CACNA2D4: variants seen among roughly 807,000 people sequenced by gnomAD.
CACNA2D4 encodes calcium voltage-gated channel auxiliary subunit alpha2delta 4, also known as voltage-dependent calcium channel subunit alpha-2/delta-4.
A neutral mutation model predicts 163.8 loss-of-function variants in CACNA2D4; 157 were observed. The ratio of observed to expected loss-of-function variants is 0.96; its 90% CI spans 0.84 to 1.09. The LOEUF is 1.09. Among genes scored for constraint, CACNA2D4 ranks in the 50% least tolerant of loss-of-function variants. The pLI is 0.00. For missense variants in CACNA2D4, 1,410 were observed against 1,479.9 expected, an observed-to-expected ratio of 0.95 and a Z score of 0.78; for synonymous variants, 598 against 586.9, an observed-to-expected ratio of 1.02 and a Z score of -0.27.
rs140562886 is a variant in CACNA2D4 at position 1,843,649 on chromosome 12, C to T, written c.2470+753G>A. Among the ~76,000 whole-genome samples, 1,537 of 152,332 alleles carry T rather than the reference C, an allele frequency of 0.01. 21 individuals carry two copies. The highest frequency in any genetic ancestry group is 0.04 in the South Asian group (191 of 4,828). On this transcript the variant is annotated intron_variant, in intron 25 of 37. Transcript: ENST00000382722. The surrounding 1 kb of genome is among the most constrained non-coding windows in gnomAD (Gnocchi z 4.6). ...AGTCACTTCGAGTGTAAATCAAGAG[C>T]ACCAGGCTATGCAGACACTGAAGCC... is the stretch of plus-strand genomic sequence containing the variant.
intron 7 of CACNA2D4, among the ~76,000 whole-genome samples, chr12:1,886,696 T>A (rs993771663): frequency 1.3e-5 from 2 of 152,162 alleles, no homozygotes; most frequent in African/African-American, 4.8e-5. Context: ...CAGATTCTGT[T>A]ACCAACTTGC....
chr12:1,875,402 T>G lies in CACNA2D4; in HGVS notation c.1720-65A>C. ...ATACGTCCTGCTCAAGTTTATCTCT[T>G]CTACAAAGCCTTTCAGGTATATTCA... On this transcript the variant is annotated intron_variant, in intron 16 of 37. Coordinates refer to ENST00000382722, the MANE Select transcript of CACNA2D4 (RefSeq NM_172364.5). This position sits in a 1 kb window ranked among gnomAD's most constrained non-coding sequence, Gnocchi z 4.0. 1 of 1,004,596 alleles carries G rather than the reference T, an allele frequency of 1.0e-6. No homozygotes were observed. Among genetic ancestry groups the G allele is most frequent in the Non-Finnish European group, 1.6e-6 (1 of 625,844 alleles). 62.2% of individuals were successfully genotyped at this position (1,004,596 alleles called of 1,614,324 possible). A position where few individuals can be genotyped will look rare whatever the true frequency, so the allele number is the denominator to read the frequency against.
At chr12:1,824,059 C>T (rs751956624) in intron 26 of CACNA2D4, among the ~76,000 whole-genome samples, 1 of 152,210 alleles carries the variant, frequency 6.6e-6, no homozygotes, top group African/African-American at 2.4e-5. Flanking sequence ...AGAACACTAA[C>T]CTCAGAGAGT....
intron 29 of CACNA2D4, among the ~76,000 whole-genome samples, chr12:1,804,286 G>T (rs901033879): frequency 1.3e-5 from 2 of 152,146 alleles, no homozygotes; most frequent in East Asian, 1.9e-4. Context: ...CTGAAGGAAT[G>T]TGTGAGGGAA....
At chr12:1,873,937 G>A (rs1426215817) in intron 18 of CACNA2D4, among the ~76,000 whole-genome samples, 1 of 152,238 alleles carries the variant, frequency 6.6e-6, no homozygotes, top group African/African-American at 2.4e-5. Context: ...TCTAATTGCT[G>A]CAGGCAGATG....
intron 6 of CACNA2D4, among the ~76,000 whole-genome samples, chr12:1,900,743 T>A (rs568228432): frequency 2.0e-5 from 3 of 152,176 alleles, no homozygotes; most frequent in African/African-American, 7.2e-5. Flanking sequence ...TGGACCCCAA[T>A]ACATAACAGC....
At chr12:1,860,983 G>C (rs1275573254) in intron 18 of CACNA2D4, among the ~76,000 whole-genome samples, 1 of 152,174 alleles carries the variant, frequency 6.6e-6, no homozygotes, top group Non-Finnish European at 1.5e-5. Context: ...ATTGTCCACG[G>C]CCTCTCTTGC....
At position 1,854,024 on chromosome 12, in the gene CACNA2D4, C is replaced by T. The variant is rs1328002088; in HGVS notation, c.2173G>A (p.Glu725Lys). ...DLECDEELVREVLFDAVVTAP... is the reference protein window; with the variant it reads ...DLECDEELVRKVLFDAVVTAP... ...GTCACCACCGCGTCAAACAGCACCT[C>T]CCGGACCAGCTCCTCGTCACCTGGG... Residue 725 changes from glutamate (E) to lysine (K), a missense_variant, in exon 23 of 38, where the codon GAG becomes AAG. Physicochemically the swap from Glu to Lys is moderately conservative, Grantham distance 56 (BLOSUM62 1). Transcript: ENST00000382722. 1.9e-6 allele frequency: 3 copies of T among 1,611,808 alleles called. No individual in the cohort carries two copies. The African/African-American group carries it at 4.0e-5, about 21-fold the overall frequency.
At chr12:1,873,891 G>A (rs1288198658) in intron 18 of CACNA2D4, among the ~76,000 whole-genome samples, 1 of 152,202 alleles carries the variant, frequency 6.6e-6, no homozygotes, top group Non-Finnish European at 1.5e-5. Context: ...TTCTTGTTTG[G>A]CTTTCATGGA....
At chr12:1,826,035 T>C (rs1305912373) in intron 26 of CACNA2D4, among the ~76,000 whole-genome samples, 2 of 151,950 alleles carry the variant, frequency 1.3e-5, no homozygotes, top group Non-Finnish European at 2.9e-5. Context: ...GGGGCAGAAA[T>C]ACATAGACTC....
chr12:1,889,395 T>C (rs1866224715), intron 6 of CACNA2D4, among the ~76,000 whole-genome samples: 1 of 152,206 alleles, frequency 6.6e-6, no homozygotes, highest in African/African-American at 2.4e-5. Context: ...AAATTTGAAA[T>C]ATTGACAATA....
At chr12:1,884,387 TTA>T in intron 11 of CACNA2D4, 66 bp from the exon 12 acceptor site, 2 of 1,307,468 alleles carry the variant, frequency 1.5e-6, no homozygotes, top group East Asian at 2.4e-5. Flanking sequence ...TTAACATTGT[TTA>T]TATGAGTCTT....
intron 3 of CACNA2D4, among the ~76,000 whole-genome samples, chr12:1,910,398 G>A (rs1056977932): frequency 6.6e-6 from 1 of 152,202 alleles, no homozygotes; most frequent in African/African-American, 2.4e-5. Flanking sequence ...TGTGTGCTAT[G>A]GACTTGGGGA....
intron 22 of CACNA2D4, 24 bp from the exon 23 acceptor site, chr12:1,854,068 C>G: frequency 1.3e-6 from 2 of 1,561,114 alleles, no homozygotes; most frequent in African/African-American, 1.4e-5. Context: ...ATCAGGGAAC[C>G]AGGCCACATG....
At chr12:1,892,131 G>A (rs932460085) in intron 6 of CACNA2D4, among the ~76,000 whole-genome samples, 3 of 149,990 alleles carry the variant, frequency 2.0e-5, no homozygotes, top group African/African-American at 7.4e-5. Context: ...AAAAAGTTAA[G>A]GACAAAGAGA....
chr12:1,874,158 A>G lies in CACNA2D4; in HGVS notation c.1878+446T>C, dbSNP rs905744169. Among the ~76,000 whole-genome samples the G allele has an allele frequency of 6.6e-6, 1 of 152,230 alleles. No individual in the cohort carries two copies. The highest frequency in any genetic ancestry group is 2.4e-5 in the African/African-American group (1 of 41,462). On this transcript the variant is annotated intron_variant, in intron 18 of 37. Coordinates refer to ENST00000382722, the MANE Select transcript of CACNA2D4 (RefSeq NM_172364.5). This position sits in a 1 kb window ranked among gnomAD's most constrained non-coding sequence, Gnocchi z 4.4. Reference sequence around the variant, plus strand: ...GGGATTAGTGAGGGCATTGATTCCTAACTATCTGGGAATGACAGTGGATGA... The same window carrying G: ...GGGATTAGTGAGGGCATTGATTCCTGACTATCTGGGAATGACAGTGGATGA...
chr12:1,831,605 G>A, intron 26 of CACNA2D4: 2 of 1,258,020 alleles, frequency 1.6e-6, no homozygotes, highest in Non-Finnish European at 2.2e-6. Context: ...TGGTGGCTGG[G>A]TGCTGACTCA....
chr12:1,884,363 G>A (rs781463610), intron 11 of CACNA2D4, 42 bp from the exon 12 acceptor site: 22 of 1,503,110 alleles, frequency 1.5e-5, no homozygotes, highest in Admixed American at 3.4e-5. Context: ...CAAAATTCCC[G>A]GCCATAAGTA....
intron 6 of CACNA2D4, among the ~76,000 whole-genome samples, chr12:1,906,119 A>G (rs903337213): frequency 6.6e-6 from 1 of 152,254 alleles, no homozygotes; most frequent in Non-Finnish European, 1.5e-5. Flanking sequence ...GGGCAACTGT[A>G]TATCCACATG....
Sources: gnomAD v4.1 joint callset for allele counts (sites outside exome capture counted in the v4.1 genomes callset) on GRCh38, gnomAD v4.1.1 for gene constraint, Gnocchi (gnomAD v3.1) non-coding constraint, MANE v1.5 for transcripts, NCBI Gene and HGNC (gene_info 2026-07-23, HGNC 2026-07-21) for gene names.